CSMD1: variants seen among roughly 807,000 people sequenced by gnomAD.
CSMD1 encodes the protein CUB and sushi domain-containing protein 1.
In CSMD1, 213 loss-of-function variants were observed where a neutral mutation model predicts 417.5. That is an observed-to-expected ratio of 0.51 (90% CI 0.46 to 0.57). The LOEUF is 0.57. Ranked by LOEUF, CSMD1 falls within the 20% of genes least tolerant of loss-of-function variation. CSMD1 has a pLI of 0.00. For synonymous variants in CSMD1, 2,862 were observed against 1,736.8 expected (o/e 1.65, Z -16.11); for missense variants, 6,923 against 4,529.7 (o/e 1.53, Z -15.17).
chr8:3,579,975 G>A (rs1440895531), intron 9 of CSMD1, among the ~76,000 whole-genome samples: 2 of 152,020 alleles, frequency 1.3e-5, no homozygotes, highest in African/African-American at 4.8e-5. Flanking sequence ...GTGGTGGCAG[G>A]TGACTGTAAT....
At chr8:4,768,416 T>C (rs1159909550) in intron 1 of CSMD1, among the ~76,000 whole-genome samples, 1 of 152,202 alleles carries the variant, frequency 6.6e-6, no homozygotes, top group Admixed American at 6.6e-5. Context: ...CTGCCGGGTG[T>C]CAGCGACTGT....
chr8:4,749,486 C>A (rs990441995), intron 1 of CSMD1, among the ~76,000 whole-genome samples: 2 of 152,154 alleles, frequency 1.3e-5, no homozygotes, highest in African/African-American at 4.8e-5. Flanking sequence ...ATTCCAAGAA[C>A]CATTAGTGAT....
At position 4,633,303 on chromosome 8, in the gene CSMD1, G is replaced by A. The variant is rs1368940627; in HGVS notation, c.302+4039C>T. On this transcript the variant is annotated intron_variant, in intron 2 of 69. Coordinates refer to ENST00000635120, the MANE Select transcript of CSMD1 (RefSeq NM_033225.6). ...AGTCTGTCCCCCAGGCTGGAGTGCA[G>A]TGGTGCGATCTCGGCTCACTGAAAG... 2.0e-5 allele frequency among the ~76,000 whole-genome samples: 3 copies of A among 152,062 alleles called. No homozygotes were observed. The East Asian group carries it at 5.8e-4, about 29-fold the overall frequency.
chr8:4,834,651 G>A (rs900291872), intron 1 of CSMD1, among the ~76,000 whole-genome samples: 1 of 151,570 alleles, frequency 6.6e-6, no homozygotes, highest in African/African-American at 2.4e-5. Flanking sequence ...TGAAAAAGAA[G>A]AATGAATTAA....
intron 6 of CSMD1, among the ~76,000 whole-genome samples, chr8:3,736,489 C>G (rs1174985381): frequency 6.6e-6 from 1 of 152,182 alleles, no homozygotes; most frequent in African/African-American, 2.4e-5. Flanking sequence ...AAGTGATCCT[C>G]CCTCCTCAGC....
chr8:4,936,830 A>G (rs886249227), intron 1 of CSMD1, among the ~76,000 whole-genome samples: 19 of 152,244 alleles, frequency 1.2e-4, no homozygotes, highest in Admixed American at 1.2e-3. Flanking sequence ...CTTTGCTGCT[A>G]AATAAAAATA....
At chr8:4,518,837 G>A (rs987347009) in intron 2 of CSMD1, among the ~76,000 whole-genome samples, 4 of 151,994 alleles carry the variant, frequency 2.6e-5, no homozygotes, top group African/African-American at 9.7e-5. Context: ...AATTATAGGA[G>A]ATTATTCGGC....
rs550115716 is a variant in CSMD1 at position 3,069,015 on chromosome 8, G to C, written c.7475-16368C>G. Among the ~76,000 whole-genome samples the C allele has an allele frequency of 5.9e-5, 9 of 152,184 alleles. No homozygotes were observed. The East Asian group carries it at 1.7e-3, about 29-fold the overall frequency. ...TATTAAGCCTCATCTGAGACAAGGA[G>C]AGACAAGGCAAATCCCTTCCATTTA... On this transcript the variant is annotated intron_variant, in intron 49 of 69. Transcript: ENST00000635120.
chr8:3,000,038 G>C lies in CSMD1; in HGVS notation c.8123C>G (p.Pro2708Arg), dbSNP rs1157764099. ...GGAAGTTCCCACAAGCCGGAAACCA[G>C]GATTGCACTGGTAAACCACCGTGTC... Reference protein sequence around the residue: ...YRDTVVYQCNPGFRLVGTSVR... With the variant: ...YRDTVVYQCNRGFRLVGTSVR... The change falls in exon 53 of 70, where the codon CCT (proline) becomes CGT (arginine). Residue 2708 changes from proline (P) to arginine (R), a missense_variant. Coordinates refer to ENST00000635120, the MANE Select transcript of CSMD1 (RefSeq NM_033225.6). 1 of 1,605,692 alleles carries C rather than the reference G, an allele frequency of 6.2e-7. No individual in the cohort carries two copies. Among genetic ancestry groups the C allele is most frequent in the Admixed American group, 1.7e-5 (1 of 58,194 alleles).
intron 3 of CSMD1, among the ~76,000 whole-genome samples, chr8:4,145,958 T>C (rs1804091088): frequency 6.6e-6 from 1 of 150,954 alleles, no homozygotes; most frequent in Non-Finnish European, 1.5e-5. Context: ...TGTTTCTTGT[T>C]ACCGCTGTCA....
intron 3 of CSMD1, among the ~76,000 whole-genome samples, chr8:4,314,375 T>A (rs539640865): frequency 7.2e-5 from 11 of 152,336 alleles, no homozygotes; most frequent in Admixed American, 6.5e-4. Flanking sequence ...CATATTTCTG[T>A]CAGGGCCAGA....
At chr8:3,683,886 T>G (rs1194495005) in intron 7 of CSMD1, among the ~76,000 whole-genome samples, 1 of 152,006 alleles carries the variant, frequency 6.6e-6, no homozygotes, top group Non-Finnish European at 1.5e-5. Flanking sequence ...TTATTTTTAT[T>G]TGATGTTTAT....
chr8:3,050,279 G>T (rs1811734318), intron 50 of CSMD1, among the ~76,000 whole-genome samples: 1 of 152,056 alleles, frequency 6.6e-6, no homozygotes, highest in Non-Finnish European at 1.5e-5. Context: ...AGAACAAGAG[G>T]GAGTAGAATT....
At chr8:4,770,508 G>A (rs1483321755) in intron 1 of CSMD1, among the ~76,000 whole-genome samples, 1 of 150,768 alleles carries the variant, frequency 6.6e-6, no homozygotes, top group Non-Finnish European at 1.5e-5. Flanking sequence ...AATAGCCAAA[G>A]CAATTCTGAG....
chr8:4,506,618 T>G lies in CSMD1; in HGVS notation c.303-86553A>C, dbSNP rs139998073. Among the ~76,000 whole-genome samples the G allele has an allele frequency of 5.3e-4, 80 of 152,290 alleles. 1 individual carries two copies. The East Asian group carries it at 0.014, about 28-fold the overall frequency. On this transcript the variant is annotated intron_variant, in intron 2 of 69. Coordinates refer to ENST00000635120, the MANE Select transcript of CSMD1 (RefSeq NM_033225.6). The stretch of plus-strand genomic sequence containing the variant: ...CTAAACACTACCCAAGACTTTCACA[T>G]GAGCAACAAACAACCTTGTTTTACA...
intron 68 of CSMD1, among the ~76,000 whole-genome samples, chr8:2,946,366 G>C (rs939408906): frequency 1.3e-5 from 2 of 152,132 alleles, no homozygotes; most frequent in Admixed American, 6.6e-5. Flanking sequence ...AAGAATCTCA[G>C]TATCTCTTAG....
chr8:3,368,309 T>C (rs986287369), intron 19 of CSMD1, among the ~76,000 whole-genome samples: 2 of 152,108 alleles, frequency 1.3e-5, no homozygotes, highest in Admixed American at 1.3e-4. Context: ...TACATAATAC[T>C]TATGTGATCG....
intron 2 of CSMD1, among the ~76,000 whole-genome samples, chr8:4,547,204 A>C (rs1797678337): frequency 1.3e-5 from 2 of 152,128 alleles, no homozygotes; most frequent in Non-Finnish European, 2.9e-5. Context: ...GGCCCCCGTT[A>C]TCCAGCAAGC....
At chr8:4,069,455 G>C (rs971183136) in intron 3 of CSMD1, among the ~76,000 whole-genome samples, 2 of 152,146 alleles carry the variant, frequency 1.3e-5, no homozygotes, top group African/African-American at 4.8e-5. Context: ...ATACAGTTTT[G>C]TCTTTCGCAG....
Sources: allele counts gnomAD v4.1 joint callset (sites outside exome capture counted in the v4.1 genomes callset), GRCh38; gene constraint gnomAD v4.1.1; transcripts MANE v1.5; gene names NCBI Gene and HGNC (gene_info 2026-07-23, HGNC 2026-07-21).